The following MYT1 variants were observed in gnomAD, a reference collection of about 807,000 sequenced individuals.
MYT1 encodes myelin transcription factor 1.
Under a neutral mutation model 123.0 loss-of-function variants are expected in MYT1, and 23 were observed. The observed-to-expected ratio is 0.19, with a 90% CI of 0.13 to 0.26. The LOEUF is 0.26. Among genes scored for constraint, MYT1 ranks in the 10% least tolerant of loss-of-function variants. MYT1 has a pLI of 1.00. For synonymous variants in MYT1, 518 were observed against 575.3 expected, an observed-to-expected ratio of 0.90 and a Z score of 1.43; for missense variants, 1,125 against 1,472.5, an observed-to-expected ratio of 0.76 and a Z score of 3.86.
chr20:64,202,069 T>TCGCGTGTCGGGAACCCCC lies in MYT1; in HGVS notation c.86+2147_86+2148insCGCGTGTCGGGAACCCCC, dbSNP rs1983338800. On this transcript the variant is annotated intron_variant, in intron 4 of 22. Transcript: ENST00000328439. This position sits in a 1 kb window ranked among gnomAD's most constrained non-coding sequence, Gnocchi z 5.0. ...GGAACCTCTGCGTGTCGGGAACCCC[T>TCGCGTGTCGGGAACCCCC]GTGTGCAGGACTTTCTCTGTGGATG... 8.8e-6 allele frequency among the ~76,000 whole-genome samples: 1 copy of TCGCGTGTCGGGAACCCCC among 113,866 alleles called. No individual in the cohort carries two copies. The highest frequency in any genetic ancestry group is 1.8e-5 in the Non-Finnish European group (1 of 54,790). 74.7% of individuals were successfully genotyped at this position (113,866 alleles called of 152,430 possible). A position where few individuals can be genotyped will look rare whatever the true frequency, so the allele number is the denominator to read the frequency against.
At chr20:64,176,770 C>T (rs542656484) in intron 1 of MYT1, among the ~76,000 whole-genome samples, 2 of 152,302 alleles carry the variant, frequency 1.3e-5, no homozygotes, top group African/African-American at 4.8e-5. Context: ...CCAGGCACCC[C>T]GGGAGGGATG....
chr20:64,219,724 C>T lies in MYT1; in HGVS notation c.1983C>T (p.Ile661=), dbSNP rs772159683. The change falls in exon 13 of 23, where the codon ATC becomes ATT. Residue 661 remains isoleucine, a synonymous_variant. Coordinates refer to ENST00000328439, the MANE Select transcript of MYT1 (RefSeq NM_004535.3). ...CTTTGCCATTGCAGTCTGTGGATATCGAGGTAGACGAAAATGGAACCCTGG... is the reference window on the plus strand; with the variant it reads ...CTTTGCCATTGCAGTCTGTGGATATTGAGGTAGACGAAAATGGAACCCTGG... The part of the protein sequence containing the change: ...PQDLPSKSVD[I]EVDENGTLDL... The T allele has an allele frequency of 1.3e-5, 21 of 1,611,228 alleles. No individual in the cohort carries two copies. The highest frequency in any genetic ancestry group is 3.3e-5 in the Admixed American group (2 of 59,880).
chr20:64,178,025 AGTCCTGGGACAGAGGGAGGTGGAGC>A (rs1982520983), intron 1 of MYT1, among the ~76,000 whole-genome samples: 2 of 152,174 alleles, frequency 1.3e-5, no homozygotes, highest in South Asian at 4.1e-4. Flanking sequence ...TTCCAGGAGC[AGTCCTGGGACAGAGGGAGGTGGAGC>A]GTCCTGCCCG....
rs1204619537 is a variant in MYT1, at chr20:64,167,072, C to T, written c.-99+2333C>T. ...TGGTGTGGTGGGTAGAGGAGACCCACACCACTCTGCACTGGGGAGACAGGG... is the reference window on the plus strand; with the variant it reads ...TGGTGTGGTGGGTAGAGGAGACCCATACCACTCTGCACTGGGGAGACAGGG... On this transcript the variant is annotated intron_variant, in intron 1 of 22. Coordinates refer to ENST00000328439, the MANE Select transcript of MYT1 (RefSeq NM_004535.3). The surrounding 1 kb of genome is among the most constrained non-coding windows in gnomAD (Gnocchi z 6.3). Among the ~76,000 whole-genome samples, 1 of 152,170 alleles carries T rather than the reference C, an allele frequency of 6.6e-6. No individual in the cohort carries two copies. The highest frequency in any genetic ancestry group is 2.4e-5 in the African/African-American group (1 of 41,434).
intron 16 of MYT1, among the ~76,000 whole-genome samples, chr20:64,225,464 C>T (rs764130071): frequency 3.9e-5 from 6 of 152,234 alleles, no homozygotes; most frequent in African/African-American, 4.8e-5. Flanking sequence ...AGGACATGGC[C>T]GCCTCGGGCC....
intron 4 of MYT1, among the ~76,000 whole-genome samples, chr20:64,201,047 G>A (rs1482173058): frequency 6.6e-6 from 1 of 152,204 alleles, no homozygotes; most frequent in Non-Finnish European, 1.5e-5. Context: ...GAGGTGCCAC[G>A]TGGAGTCGCC....
At chr20:64,173,252 C>T (rs1982340605) in intron 1 of MYT1, among the ~76,000 whole-genome samples, 1 of 152,180 alleles carries the variant, frequency 6.6e-6, no homozygotes, top group African/African-American at 2.4e-5. Flanking sequence ...TCCCTCCCCT[C>T]CTGAGCACCG....
chr20:64,204,279 G>A (rs1231426323), intron 4 of MYT1, among the ~76,000 whole-genome samples: 1 of 152,210 alleles, frequency 6.6e-6, no homozygotes, highest in African/African-American at 2.4e-5. Context: ...GGAGACAGAT[G>A]ATGGTTAAGG....
chr20:64,200,102 A>G (rs1601709914), intron 4 of MYT1, among the ~76,000 whole-genome samples, 180 bp downstream of exon 4: 1 of 152,108 alleles, frequency 6.6e-6, no homozygotes, highest in Non-Finnish European at 1.5e-5. Context: ...CCCCATCTCT[A>G]TCTGTTCTCA....
At chr20:64,233,458 CCACCT>C (rs2145733664) in intron 19 of MYT1, among the ~76,000 whole-genome samples, 1 of 9,200 alleles carries the variant, frequency 1.1e-4, no homozygotes, top group African/African-American at 5.9e-4. Flanking sequence ...TTCCCTTCCC[CCACCT>C]TCCTCCCCTT....
rs550550523 is a variant in MYT1 at position 64,220,465 on chromosome 20, G to A, written c.2241+483G>A. On this transcript the variant is annotated intron_variant, in intron 13 of 22. Transcript: ENST00000328439. ...CCATGGTGGGCAGTTCTACGTCCCC[G>A]AGACCAGGACCAACCTGGCATGGGT... is the stretch of plus-strand genomic sequence containing the variant. 5.3e-5 allele frequency among the ~76,000 whole-genome samples: 8 copies of A among 152,366 alleles called. No individual in the cohort carries two copies. The East Asian group carries it at 1.2e-3, about 22-fold the overall frequency.
chr20:64,176,380 G>A (rs1455129821), intron 1 of MYT1, among the ~76,000 whole-genome samples: 36 of 139,676 alleles, frequency 2.6e-4, no homozygotes, highest in African/African-American at 1.1e-3. Context: ...CCCCTCCCTG[G>A]CTTCTCCTGC....
intron 2 of MYT1, 128 bp from the exon 3 acceptor site, chr20:64,198,734 A>T: frequency 1.0e-6 from 1 of 975,482 alleles, no homozygotes; most frequent in Non-Finnish European, 1.6e-6. Flanking sequence ...CATCCTTGTC[A>T]TTCTGTGCCC....
chr20:64,187,538 C>T (rs2427612), intron 1 of MYT1, among the ~76,000 whole-genome samples: 61,627 of 151,984 alleles, frequency 0.41, 12,689 homozygotes, highest in East Asian at 0.51. Context: ...CACGTGGCCC[C>T]GGCATGTTGT....
intron 10 of MYT1, among the ~76,000 whole-genome samples, chr20:64,216,048 C>CTG (rs1430290996): frequency 6.6e-6 from 1 of 152,220 alleles, no homozygotes; most frequent in Admixed American, 6.5e-5. Flanking sequence ...CTTCCAGGCC[C>CTG]ATCAGAGCTG....
chr20:64,189,027 T>G lies in MYT1; in HGVS notation c.-98-1036T>G, dbSNP rs1391103669. 6.6e-6 allele frequency among the ~76,000 whole-genome samples: 1 copy of G among 152,152 alleles called. No homozygotes were observed. The highest frequency in any genetic ancestry group is 2.4e-5 in the African/African-American group (1 of 41,428). ...GCTCTGGAAGGTAATCCGAAGCCCTTTAATGGGATGGAAGCATTTCCAGAT... is the reference window on the plus strand; with the variant it reads ...GCTCTGGAAGGTAATCCGAAGCCCTGTAATGGGATGGAAGCATTTCCAGAT... On this transcript the variant is annotated intron_variant, in intron 1 of 22. Transcript: ENST00000328439. The surrounding 1 kb of genome is among the most constrained non-coding windows in gnomAD (Gnocchi z 5.5).
chr20:64,234,011 A>G (rs1307286830), intron 19 of MYT1, among the ~76,000 whole-genome samples: 1 of 152,222 alleles, frequency 6.6e-6, no homozygotes, highest in Non-Finnish European at 1.5e-5. Context: ...TGGCATGGGC[A>G]GCTGGCATGG....
At position 64,239,740 on chromosome 20, in the gene MYT1, C is replaced by A. The variant is rs200641577; in HGVS notation, c.3094-20C>A. 1 of 1,613,308 alleles carries A rather than the reference C, an allele frequency of 6.2e-7. No individual in the cohort carries two copies. Among genetic ancestry groups the A allele is most frequent in the Non-Finnish European group, 8.5e-7 (1 of 1,179,674 alleles). On this transcript the variant is annotated intron_variant, in intron 21 of 22. Transcript: ENST00000328439. ...TGGGGGCCAAGGGCAGGCGGCACTT[C>A]GAATCTCTCTCTGGCACAGATCTCC...
At chr20:64,216,424 T>G (rs1365889976) in intron 10 of MYT1, among the ~76,000 whole-genome samples, 2 of 152,260 alleles carry the variant, frequency 1.3e-5, no homozygotes, top group African/African-American at 4.8e-5. Context: ...GGCAGTGAAC[T>G]GAATGCTTGC....
Sources: allele counts gnomAD v4.1 joint callset (sites outside exome capture counted in the v4.1 genomes callset), GRCh38; gene constraint gnomAD v4.1.1; non-coding constraint Gnocchi (gnomAD v3.1); transcripts MANE v1.5; gene names NCBI Gene and HGNC (gene_info 2026-07-23, HGNC 2026-07-21).